Variants in INPP4B observed in about 807,000 individuals in gnomAD.
The protein encoded by INPP4B is inositol polyphosphate 4-phosphatase type II.
INPP4B carries 55 observed loss-of-function variants against 122.5 expected under a neutral mutation model. The ratio of observed to expected loss-of-function variants is 0.45; its 90% confidence interval spans 0.36 to 0.56. The LOEUF is 0.56. INPP4B is among the 20% of genes least tolerant of loss of function. INPP4B has a pLI of 0.00. For missense variants in INPP4B, 1,000 were observed against 1,097.7 expected, an observed-to-expected ratio of 0.91 and a Z score of 1.26; for synonymous variants, 403 against 388.7, an observed-to-expected ratio of 1.04 and a Z score of -0.43.
chr4:142,472,182 TAGTA>T (rs1818954929), intron 2 of INPP4B, among the ~76,000 whole-genome samples: 1 of 152,062 alleles, frequency 6.6e-6, no homozygotes, highest in Non-Finnish European at 1.5e-5. Flanking sequence ...ATGTCTTACT[TAGTA>T]AAGAGAAAAT....
chr4:142,064,008 T>C (rs1762289868), intron 25 of INPP4B, among the ~76,000 whole-genome samples: 2 of 152,180 alleles, frequency 1.3e-5, no homozygotes, highest in African/African-American at 4.8e-5. Context: ...ACTACATGAA[T>C]ATCAAATGTA....
Position 142,753,586 on chromosome 4 carries a change from C to A in INPP4B, c.-253-27685G>T, listed in dbSNP as rs17016744. Among the ~76,000 whole-genome samples the A allele has an allele frequency of 3.1e-3, 467 of 152,154 alleles. 9 individuals are homozygous for A. The highest frequency in any genetic ancestry group is 0.025 in the Admixed American group (374 of 15,240). On this transcript the variant is annotated intron_variant, in intron 1 of 25. Coordinates refer to ENST00000262992, the MANE Select transcript of INPP4B (RefSeq NM_001101669.3). The stretch of plus-strand genomic sequence containing the variant: ...GACCAGATTTAAGGCTTACTGCGAT[C>A]TAGGGACACTTGGGAGTATATGTCT...
chr4:142,739,548 A>T (rs2150912118), intron 1 of INPP4B, among the ~76,000 whole-genome samples: 1 of 152,174 alleles, frequency 6.6e-6, no homozygotes, highest in Non-Finnish European at 1.5e-5. Flanking sequence ...CGATTGAAAT[A>T]TCAAAAAATT....
intron 23 of INPP4B, among the ~76,000 whole-genome samples, chr4:142,107,030 A>T (rs774307009): frequency 6.6e-6 from 1 of 152,184 alleles, no homozygotes; most frequent in East Asian, 1.9e-4. Flanking sequence ...TCAGGTAATT[A>T]ACAAATTTAA....
chr4:142,332,246 A>T (rs977170042), intron 7 of INPP4B, among the ~76,000 whole-genome samples: 1 of 152,202 alleles, frequency 6.6e-6, no homozygotes, highest in East Asian at 1.9e-4. Flanking sequence ...TTTTTAAAAA[A>T]GAAAAAATAT....
At chr4:142,606,630 T>C (rs1051164677) in intron 2 of INPP4B, among the ~76,000 whole-genome samples, 1 of 152,044 alleles carries the variant, frequency 6.6e-6, no homozygotes, top group African/African-American at 2.4e-5. Context: ...TCAAATATTT[T>C]GGATCCTTAA....
intron 2 of INPP4B, among the ~76,000 whole-genome samples, chr4:142,706,716 G>A (rs946329270): frequency 2.0e-5 from 3 of 152,190 alleles, no homozygotes; most frequent in African/African-American, 7.2e-5. Context: ...CACCTACACA[G>A]GCCAGACAAG....
At chr4:142,081,294 G>A (rs1250752050) in intron 25 of INPP4B, among the ~76,000 whole-genome samples, 1 of 152,144 alleles carries the variant, frequency 6.6e-6, no homozygotes, top group East Asian at 1.9e-4. Context: ...TTGCAGCAAA[G>A]AGACAATTTC....
intron 15 of INPP4B, among the ~76,000 whole-genome samples, chr4:142,187,730 A>G (rs1444092655): frequency 6.6e-6 from 1 of 152,006 alleles, no homozygotes; most frequent in African/African-American, 2.4e-5. Flanking sequence ...AGTTTCTGGA[A>G]CTAAAGGCAC....
chr4:142,090,697 A>G (rs1779118829), intron 23 of INPP4B, among the ~76,000 whole-genome samples: 1 of 127,606 alleles, frequency 7.8e-6, no homozygotes, highest in Non-Finnish European at 1.8e-5. Context: ...ATATCTCCAT[A>G]ATAGTATTCT....
At chr4:142,523,368 A>T (rs1252372403) in intron 2 of INPP4B, among the ~76,000 whole-genome samples, 1 of 152,136 alleles carries the variant, frequency 6.6e-6, no homozygotes, top group Non-Finnish European at 1.5e-5. Context: ...GGTGAACATG[A>T]TGTAAGAGGA....
At chr4:142,236,919 G>A (rs1229277585) in intron 12 of INPP4B, among the ~76,000 whole-genome samples, 2 of 152,110 alleles carry the variant, frequency 1.3e-5, no homozygotes, top group African/African-American at 4.8e-5. Flanking sequence ...AAGTGTTAAC[G>A]CTTTAAAAGT....
chr4:142,188,302 A>G, intron 15 of INPP4B, among the ~76,000 whole-genome samples: 1 of 151,506 alleles, frequency 6.6e-6, no homozygotes, highest in Non-Finnish European at 1.5e-5. Flanking sequence ...CCTGGCTAAC[A>G]CGGTGAAACC....
chr4:142,638,356 G>A (rs576115251), intron 2 of INPP4B, among the ~76,000 whole-genome samples: 1 of 152,208 alleles, frequency 6.6e-6, no homozygotes, highest in African/African-American at 2.4e-5. Flanking sequence ...TTCATTTTGA[G>A]TAAATTTTCA....
At chr4:142,314,436 C>G (rs1766719497) in intron 8 of INPP4B, among the ~76,000 whole-genome samples, 1 of 152,112 alleles carries the variant, frequency 6.6e-6, no homozygotes, top group Non-Finnish European at 1.5e-5. Flanking sequence ...AATCTTGGCT[C>G]TGAAACACAG....
chr4:142,212,978 A>G (rs1845542127), intron 12 of INPP4B, among the ~76,000 whole-genome samples: 1 of 152,176 alleles, frequency 6.6e-6, no homozygotes, highest in Non-Finnish European at 1.5e-5. Context: ...CATGATTAAT[A>G]TTATTCCACT....
intron 2 of INPP4B, chr4:142,660,997 AG>A (rs1481093563): frequency 5.3e-5 from 8 of 152,298 alleles, no homozygotes; most frequent in Admixed American, 3.9e-4. Flanking sequence ...AGCCAGTGGG[AG>A]GGGATTCCTG....
chr4:142,230,591 C>A (rs1326349880), intron 12 of INPP4B, among the ~76,000 whole-genome samples: 2 of 143,490 alleles, frequency 1.4e-5, no homozygotes, highest in Non-Finnish European at 3.0e-5. Context: ...TTTGGTGAGC[C>A]GAGATCACAC....
At chr4:142,629,710 G>A (rs1173442457) in intron 2 of INPP4B, among the ~76,000 whole-genome samples, 1 of 152,094 alleles carries the variant, frequency 6.6e-6, no homozygotes, top group Admixed American at 6.6e-5. Context: ...TAAGGTGTGA[G>A]GGGGCAATAG....
Sources: gnomAD v4.1 joint callset for allele counts (sites outside exome capture counted in the v4.1 genomes callset) on GRCh38, gnomAD v4.1.1 for gene constraint, MANE v1.5 for transcripts, NCBI Gene and HGNC (gene_info 2026-07-23, HGNC 2026-07-21) for gene names.